RSRC1: variants seen among roughly 807,000 people sequenced by gnomAD.
RSRC1 encodes serine/Arginine-related protein 53.
Under a neutral mutation model 49.1 loss-of-function variants are expected in RSRC1, and 39 were observed. That is an observed-to-expected ratio of 0.79 (90% CI 0.61 to 1.04). The LOEUF is 1.04. RSRC1 is among the 50% of genes least tolerant of loss of function. The pLI, the probability that RSRC1 is intolerant of heterozygous loss-of-function variation, is 0.00. For synonymous variants in RSRC1, 143 were observed against 130.8 expected (o/e 1.09, Z -0.63); for missense variants, 388 against 402.4 (o/e 0.96, Z 0.31).
chr3:158,119,370 GTTCCTGTTGTTTT>G (rs1418287376), intron 1 of RSRC1, among the ~76,000 whole-genome samples: 7 of 152,038 alleles, frequency 4.6e-5, no homozygotes, highest in Non-Finnish European at 8.8e-5. Flanking sequence ...CATATCTCAT[GTTCCTGTTGTTTT>G]CTAGTCTCTA....
At chr3:158,420,919 G>A (rs1176207021) in intron 6 of RSRC1, among the ~76,000 whole-genome samples, 2 of 151,886 alleles carry the variant, frequency 1.3e-5, no homozygotes, top group South Asian at 2.1e-4. Flanking sequence ...ACAGAAGATG[G>A]TTATTTGTTC....
At chr3:158,320,276 A>G (rs932835758) in intron 5 of RSRC1, among the ~76,000 whole-genome samples, 2 of 152,242 alleles carry the variant, frequency 1.3e-5, no homozygotes, top group African/African-American at 2.4e-5. Context: ...CTTACACACT[A>G]GTGATCCATA....
chr3:158,402,879 T>G (rs1733967419), intron 6 of RSRC1, among the ~76,000 whole-genome samples: 1 of 151,946 alleles, frequency 6.6e-6, no homozygotes, highest in Non-Finnish European at 1.5e-5. Flanking sequence ...TGATATTTTC[T>G]TTAAAGACTT....
chr3:158,196,611 C>A (rs1720636242), intron 3 of RSRC1, among the ~76,000 whole-genome samples: 1 of 152,142 alleles, frequency 6.6e-6, no homozygotes, highest in Non-Finnish European at 1.5e-5. Flanking sequence ...AGTTTTTGCC[C>A]ATTCAGTATG....
intron 4 of RSRC1, 125 bp from the exon 5 acceptor site, chr3:158,297,912 CAG>C (rs1490947970): frequency 6.2e-6 from 4 of 644,328 alleles, no homozygotes; most frequent in Non-Finnish European, 1.1e-5. Context: ...TCCTTAAAAA[CAG>C]TGTTATGAAC....
At chr3:158,495,692 G>C (rs1739290181) in intron 7 of RSRC1, among the ~76,000 whole-genome samples, 1 of 152,186 alleles carries the variant, frequency 6.6e-6, no homozygotes, top group African/African-American at 2.4e-5. Context: ...GACAGCTTAA[G>C]TCAGAGGTCA....
chr3:158,461,066 C>G (rs937461845), intron 7 of RSRC1, 63 bp downstream of exon 7: 1 of 1,251,486 alleles, frequency 8.0e-7, no homozygotes, highest in South Asian at 1.4e-5. Context: ...CTGAATAGAC[C>G]GTAGAATATA....
intron 4 of RSRC1, among the ~76,000 whole-genome samples, chr3:158,213,089 A>G (rs1267202848): frequency 6.6e-6 from 1 of 151,944 alleles, no homozygotes; most frequent in Non-Finnish European, 1.5e-5. Flanking sequence ...TCCTCCTTTG[A>G]TTAAATGGCA....
chr3:158,353,447 C>T (rs1173830541), intron 5 of RSRC1, among the ~76,000 whole-genome samples: 3 of 152,190 alleles, frequency 2.0e-5, no homozygotes, highest in African/African-American at 7.2e-5. Flanking sequence ...TCACAAAAGC[C>T]AGTAGGCACT....
chr3:158,512,257 T>G (rs1393247807), intron 7 of RSRC1, among the ~76,000 whole-genome samples: 2 of 144,584 alleles, frequency 1.4e-5, no homozygotes, highest in East Asian at 1.9e-4. Flanking sequence ...GGTCTAACGT[T>G]TAAGTCTTTA....
chr3:158,343,666 T>C (rs1479352945), intron 5 of RSRC1, among the ~76,000 whole-genome samples: 2 of 152,128 alleles, frequency 1.3e-5, no homozygotes, highest in Non-Finnish European at 1.5e-5. Context: ...ACGAAGGCTA[T>C]ACAGCTGAAA....
chr3:158,533,727 T>G (rs570925435), intron 7 of RSRC1, among the ~76,000 whole-genome samples: 2 of 151,696 alleles, frequency 1.3e-5, no homozygotes, highest in Non-Finnish European at 3.0e-5. Context: ...TGTGAAATAA[T>G]TCTAGTGAAA....
intron 4 of RSRC1, among the ~76,000 whole-genome samples, chr3:158,259,408 C>T (rs566256284): frequency 6.6e-6 from 1 of 152,230 alleles, no homozygotes; most frequent in African/African-American, 2.4e-5. Flanking sequence ...CTCTTGTTCC[C>T]TTCCCTTTCT....
chr3:158,512,743 A>G lies in RSRC1; in HGVS notation c.653-24349A>G, dbSNP rs558373633. On this transcript the variant is annotated intron_variant, in intron 7 of 9. Transcript: ENST00000611884. ...TTCACGATATTGATTCTTCCTACCCATGAGCATGGAATATTCTTCCATTTG... is the reference window on the plus strand; with the variant it reads ...TTCACGATATTGATTCTTCCTACCCGTGAGCATGGAATATTCTTCCATTTG... 3.5e-3 allele frequency among the ~76,000 whole-genome samples: 528 copies of G among 151,550 alleles called. 5 individuals carry two copies. The highest frequency in any genetic ancestry group is 0.012 in the African/African-American group (501 of 41,252).
intron 6 of RSRC1, among the ~76,000 whole-genome samples, chr3:158,450,177 G>A (rs1736945147): frequency 6.6e-6 from 1 of 151,940 alleles, no homozygotes; most frequent in South Asian, 2.1e-4. Flanking sequence ...ATTCTGCTGA[G>A]GAATTTTCTA....
chr3:158,170,452 A>G (rs1718814880), intron 3 of RSRC1, among the ~76,000 whole-genome samples: 1 of 152,158 alleles, frequency 6.6e-6, no homozygotes, highest in South Asian at 2.1e-4. Flanking sequence ...GTGCTTGAAA[A>G]GATCGAATAA....
At chr3:158,254,153 T>A (rs912018943) in intron 4 of RSRC1, among the ~76,000 whole-genome samples, 3 of 152,224 alleles carry the variant, frequency 2.0e-5, no homozygotes. Context: ...ATTTTCTTAA[T>A]CCAGTCTATC....
intron 5 of RSRC1, among the ~76,000 whole-genome samples, chr3:158,301,635 A>G (rs1358760796): frequency 6.6e-6 from 1 of 152,184 alleles, no homozygotes; most frequent in African/African-American, 2.4e-5. Context: ...TAGAATTGCT[A>G]CAAGCATACT....
intron 3 of RSRC1, among the ~76,000 whole-genome samples, chr3:158,195,498 T>C (rs1225006759): frequency 6.6e-6 from 1 of 152,154 alleles, no homozygotes; most frequent in Non-Finnish European, 1.5e-5. Flanking sequence ...AGCTCTTTAG[T>C]TTAATTAGAT....
Sources: gnomAD v4.1 joint callset for allele counts (sites outside exome capture counted in the v4.1 genomes callset) on GRCh38, gnomAD v4.1.1 for gene constraint, MANE v1.5 for transcripts, NCBI Gene and HGNC (gene_info 2026-07-23, HGNC 2026-07-21) for gene names.